Variants in ADAMTS19 observed in about 807,000 individuals in gnomAD.
ADAMTS19 encodes the protein ADAM metallopeptidase with thrombospondin type 1 motif 19.
ADAMTS19 carries 93 observed loss-of-function variants against 153.3 expected under a neutral mutation model. That is an observed-to-expected ratio of 0.61 (90% CI 0.51 to 0.72). The LOEUF (loss-of-function observed/expected upper bound fraction) is 0.72, where lower values mean the gene tolerates loss of function less well. Ranked by LOEUF, ADAMTS19 falls within the 30% of genes least tolerant of loss-of-function variation. The pLI is 0.00. For synonymous variants in ADAMTS19, 600 were observed against 556.6 expected (o/e 1.08, Z -1.10); for missense variants, 1,482 against 1,552.1 (o/e 0.95, Z 0.76).
chr5:129,613,383 A>C (rs1415518069), intron 8 of ADAMTS19, among the ~76,000 whole-genome samples: 2 of 152,160 alleles, frequency 1.3e-5, no homozygotes, highest in East Asian at 3.9e-4. Context: ...TAAGAAACTC[A>C]CTCAAAACCA....
At chr5:129,612,387 AG>A (rs911504137) in intron 8 of ADAMTS19, among the ~76,000 whole-genome samples, 5 of 151,936 alleles carry the variant, frequency 3.3e-5, no homozygotes, top group African/African-American at 1.2e-4. Context: ...TTGGACATTT[AG>A]GTTGCTTAAA....
intron 8 of ADAMTS19, among the ~76,000 whole-genome samples, chr5:129,615,607 G>A (rs1311449909): frequency 1.3e-5 from 2 of 151,890 alleles, no homozygotes; most frequent in Non-Finnish European, 2.9e-5. Context: ...TTTTGCATAG[G>A]AAACTAGCTT....
chr5:129,715,850 G>A (rs1756700414), intron 21 of ADAMTS19, among the ~76,000 whole-genome samples: 1 of 152,160 alleles, frequency 6.6e-6, no homozygotes, highest in Non-Finnish European at 1.5e-5. Flanking sequence ...AAATTTCTGA[G>A]TTATCAGCAC....
At chr5:129,523,925 G>C (rs1751913669) in intron 3 of ADAMTS19, among the ~76,000 whole-genome samples, 1 of 152,126 alleles carries the variant, frequency 6.6e-6, no homozygotes, top group South Asian at 2.1e-4. Context: ...TTCCTATCAA[G>C]CTTCCATTGA....
chr5:129,477,662 G>A (rs1750269355), intron 2 of ADAMTS19, among the ~76,000 whole-genome samples: 1 of 152,120 alleles, frequency 6.6e-6, no homozygotes, highest in African/African-American at 2.4e-5. Flanking sequence ...CTCTGTTGTA[G>A]TATTTTAGTA....
intron 13 of ADAMTS19, among the ~76,000 whole-genome samples, chr5:129,650,678 C>A (rs1753279013): frequency 1.3e-5 from 2 of 152,064 alleles, no homozygotes; most frequent in African/African-American, 2.4e-5. Flanking sequence ...TTATTGATTA[C>A]CCCCACTTTC....
At chr5:129,552,654 A>T (rs917055649) in intron 7 of ADAMTS19, among the ~76,000 whole-genome samples, 1 of 151,880 alleles carries the variant, frequency 6.6e-6, no homozygotes, top group African/African-American at 2.4e-5. Flanking sequence ...CTACAGGATG[A>T]GCAGTATTTT....
intron 10 of ADAMTS19, among the ~76,000 whole-genome samples, chr5:129,635,314 T>C (rs1752487332): frequency 6.6e-6 from 1 of 152,190 alleles, no homozygotes; most frequent in Non-Finnish European, 1.5e-5. Context: ...GATGGGAGTG[T>C]AAATTAGTTC....
chr5:129,599,042 C>T (rs1750518224), intron 8 of ADAMTS19, among the ~76,000 whole-genome samples: 2 of 151,914 alleles, frequency 1.3e-5, no homozygotes, highest in African/African-American at 4.8e-5. Context: ...TACAAGCTTT[C>T]AGTCTTCAGT....
In ADAMTS19 at chr5:129,614,318, A is replaced by T. The variant is rs538324437; in HGVS notation, c.1479-6300A>T. ...ACTGGCAAACTGAATGCAGCAGCAC[A>T]TCAAAAAGCTTATCCACCATGATCA... On this transcript the variant is annotated intron_variant, in intron 8 of 22. Transcript: ENST00000274487. 2.6e-4 allele frequency among the ~76,000 whole-genome samples: 40 copies of T among 152,322 alleles called. No individual in the cohort carries two copies. The South Asian group carries it at 7.9e-3, about 30-fold the overall frequency.
intron 7 of ADAMTS19, among the ~76,000 whole-genome samples, chr5:129,581,833 T>C (rs946031169): frequency 6.6e-6 from 1 of 152,198 alleles, no homozygotes; most frequent in African/African-American, 2.4e-5. Context: ...AAATAACTTA[T>C]TTATTTCTGC....
rs1410938623 is a variant in ADAMTS19 at position 129,548,334 on chromosome 5, AAAAC to A, written c.1329-3523_1329-3520del. Among the ~76,000 whole-genome samples the A allele has an allele frequency of 3.9e-3, 589 of 150,546 alleles. 32 individuals carry two copies. The highest frequency in any genetic ancestry group is 0.014 in the African/African-American group (562 of 40,096). ...GAATTCAAACAAATTTACAAAAAAA[AAAAC>A]AAACAACCCCATCAAAAAGTGGGTG... On this transcript the variant is annotated intron_variant, in intron 6 of 22. Coordinates refer to ENST00000274487, the MANE Select transcript of ADAMTS19 (RefSeq NM_133638.6).
intron 7 of ADAMTS19, among the ~76,000 whole-genome samples, chr5:129,594,276 A>G (rs1750272046): frequency 6.6e-6 from 1 of 152,196 alleles, no homozygotes; most frequent in Non-Finnish European, 1.5e-5. Flanking sequence ...CATTAAAGTG[A>G]CTGAAGTTTA....
At chr5:129,588,435 T>C (rs967528554) in intron 7 of ADAMTS19, among the ~76,000 whole-genome samples, 14 of 152,100 alleles carry the variant, frequency 9.2e-5, no homozygotes, top group Non-Finnish European at 1.6e-4. Flanking sequence ...AAAGTCTGTG[T>C]GTGTGTGAGA....
At chr5:129,666,967 T>G (rs1482113880) in intron 16 of ADAMTS19, among the ~76,000 whole-genome samples, 1 of 152,208 alleles carries the variant, frequency 6.6e-6, no homozygotes, top group Non-Finnish European at 1.5e-5. Flanking sequence ...TGTGGCTAAA[T>G]AAGCCAGGCA....
intron 7 of ADAMTS19, among the ~76,000 whole-genome samples, chr5:129,582,641 C>T (rs1288359352): frequency 2.6e-5 from 4 of 152,184 alleles, no homozygotes; most frequent in Admixed American, 6.5e-5. Context: ...GGCATGATCT[C>T]GGCTCACTGC....
At chr5:129,733,944 CGTGTGTGTGTGTGTGTGT>C (rs34177749) in intron 21 of ADAMTS19, among the ~76,000 whole-genome samples, 1,839 of 147,494 alleles carry the variant, frequency 0.012, 13 homozygotes, top group East Asian at 0.021. Context: ...CAAGTGTGTG[CGTGTGTGTGTGTGTGTGT>C]GTGTGTGTGT....
At chr5:129,552,517 C>A (rs973924096) in intron 7 of ADAMTS19, among the ~76,000 whole-genome samples, 61 of 151,140 alleles carry the variant, frequency 4.0e-4, no homozygotes, top group Non-Finnish European at 1.6e-4. Context: ...TCCAAAGATA[C>A]CCCAGTCTTT....
intron 16 of ADAMTS19, among the ~76,000 whole-genome samples, chr5:129,674,994 T>G (rs571762013): frequency 6.6e-6 from 1 of 152,316 alleles, no homozygotes; most frequent in East Asian, 1.9e-4. Flanking sequence ...TGCCTTCATC[T>G]CTGAAGGATA....
Sources: gnomAD v4.1 joint callset for allele counts (sites outside exome capture counted in the v4.1 genomes callset) on GRCh38, gnomAD v4.1.1 for gene constraint, MANE v1.5 for transcripts, NCBI Gene and HGNC (gene_info 2026-07-23, HGNC 2026-07-21) for gene names.